Variants in ZEB1 observed in about 807,000 individuals in gnomAD.
ZEB1 encodes zinc finger E-box binding homeobox 1.
Under a neutral mutation model 84.9 loss-of-function variants are expected in ZEB1, and 21 were observed. The observed-to-expected ratio is 0.25, with a 90% confidence interval of 0.18 to 0.36. The LOEUF is 0.36. Ranked by LOEUF, ZEB1 falls within the 10% of genes least tolerant of loss-of-function variation. ZEB1 has a pLI of 1.00. For synonymous variants in ZEB1, 420 were observed against 471.1 expected, an observed-to-expected ratio of 0.89 and a Z score of 1.41; for missense variants, 1,104 against 1,330.2, an observed-to-expected ratio of 0.83 and a Z score of 2.65.
intron 1 of ZEB1, chr10:31,387,093 T>A (rs1358116145): frequency 1.0e-6 from 1 of 985,636 alleles, no homozygotes; most frequent in Non-Finnish European, 1.2e-6. Flanking sequence ...TTGATCCCAG[T>A]ATAATCTTTT....
intron 1 of ZEB1, among the ~76,000 whole-genome samples, chr10:31,443,373 T>C (rs937229798): frequency 6.6e-6 from 1 of 152,080 alleles, no homozygotes; most frequent in Non-Finnish European, 1.5e-5. Flanking sequence ...AATGGCCTTC[T>C]TATTCCAGGT....
chr10:31,363,930 A>G (rs1434950670), intron 1 of ZEB1: 1 of 1,309,340 alleles, frequency 7.6e-7, no homozygotes, highest in African/African-American at 1.5e-5. Context: ...CAGGTGCAGG[A>G]GCTGCAGGGT....
chr10:31,470,480 G>A (rs1397319362), intron 2 of ZEB1, among the ~76,000 whole-genome samples: 1 of 150,832 alleles, frequency 6.6e-6, no homozygotes, highest in Non-Finnish European at 1.5e-5. Flanking sequence ...AAGATGAAAT[G>A]AATGAAATGA....
At chr10:31,412,682 T>G (rs985596087) in intron 1 of ZEB1, among the ~76,000 whole-genome samples, 1 of 152,216 alleles carries the variant, frequency 6.6e-6, no homozygotes, top group African/African-American at 2.4e-5. Context: ...GCACACCTCT[T>G]TAAGACTGCT....
chr10:31,520,690 G>A lies in ZEB1; in HGVS notation c.1358G>A (p.Gly453Asp), dbSNP rs1206386071. ...ETINASPIQQ[G>D]GHSVISAISL... ...ATCAATGCTTCACCCATACAACAAGGTGGCCATTCTGTTATTTCAGCCATC... is the reference window on the plus strand; with the variant it reads ...ATCAATGCTTCACCCATACAACAAGATGGCCATTCTGTTATTTCAGCCATC... The change falls in exon 7 of 9, where the codon GGT becomes GAT. Residue 453 changes from glycine to aspartate, a missense_variant. Gly to Asp is a moderately conservative substitution (Grantham distance 94). Around this residue, in one of 7 missense-constraint regions of ZEB1, gnomAD observed 531 missense variants for 575.2 expected, o/e 0.92. Coordinates refer to ENST00000424869, the MANE Select transcript of ZEB1 (RefSeq NM_001174096.2). The surrounding 1 kb of genome is among the most constrained non-coding windows in gnomAD (Gnocchi z 5.1). 6.2e-7 allele frequency: 1 copy of A among 1,613,906 alleles called. No individual in the cohort carries two copies. The highest frequency in any genetic ancestry group is 8.5e-7 in the Non-Finnish European group (1 of 1,180,002).
At position 31,520,539 on chromosome 10, in the gene ZEB1, G is replaced by A; in HGVS notation, c.1207G>A (p.Val403Met). 1 of 1,613,776 alleles carries A rather than the reference G, an allele frequency of 6.2e-7. No homozygotes were observed. Among genetic ancestry groups the A allele is most frequent in the Non-Finnish European group, 8.5e-7 (1 of 1,179,746 alleles). ...TGTTGTTCTGCCAACAGTTGGTTTGGTGTCTCCCATAAGTATCAATTTAAG... is the reference window on the plus strand; with the variant it reads ...TGTTGTTCTGCCAACAGTTGGTTTGATGTCTCCCATAAGTATCAATTTAAG... ...QAVVLPTVGLVSPISINLSDI... is the reference protein window; with the variant it reads ...QAVVLPTVGLMSPISINLSDI... Residue 403 changes from valine (V) to methionine (M), a missense_variant, in exon 7 of 9, where the codon GTG becomes ATG. Transcript: ENST00000424869. This position sits in a 1 kb window ranked among gnomAD's most constrained non-coding sequence, Gnocchi z 5.1.
At chr10:31,512,105 G>A (rs1463808393) in intron 5 of ZEB1, among the ~76,000 whole-genome samples, 3 of 152,086 alleles carry the variant, frequency 2.0e-5, no homozygotes, top group East Asian at 3.9e-4. Context: ...TTATCAGAGA[G>A]ACCAGCAGAA....
At chr10:31,486,955 G>A (rs1265835768) in intron 2 of ZEB1, among the ~76,000 whole-genome samples, 2 of 151,410 alleles carry the variant, frequency 1.3e-5, no homozygotes, top group Admixed American at 6.6e-5. Context: ...GTTAGATTGA[G>A]GTGAAGTTTC....
chr10:31,382,013 A>AG (rs1390663912), intron 1 of ZEB1, among the ~76,000 whole-genome samples: 4 of 114,512 alleles, frequency 3.5e-5, no homozygotes, highest in African/African-American at 1.6e-4. Flanking sequence ...TCTCAAAAAA[A>AG]AAAAAAAAAA....
chr10:31,433,854 A>G (rs2058004990), intron 1 of ZEB1, among the ~76,000 whole-genome samples: 2 of 152,202 alleles, frequency 1.3e-5, no homozygotes, highest in South Asian at 4.1e-4. Flanking sequence ...TCTTTGTATC[A>G]TCAGTGCAAA....
intron 1 of ZEB1, among the ~76,000 whole-genome samples, chr10:31,403,735 A>G (rs914170569): frequency 6.6e-6 from 1 of 152,024 alleles, no homozygotes; most frequent in Non-Finnish European, 1.5e-5. Context: ...TATATTATGT[A>G]TATTATATAT....
intron 1 of ZEB1, among the ~76,000 whole-genome samples, chr10:31,346,087 T>A (rs1028211104): frequency 2.0e-5 from 3 of 152,166 alleles, no homozygotes; most frequent in Admixed American, 6.6e-5. Flanking sequence ...TCCAGTTGTT[T>A]GGAAGTATGA....
intron 1 of ZEB1, among the ~76,000 whole-genome samples, chr10:31,449,504 G>C (rs888450223): frequency 6.6e-6 from 1 of 151,998 alleles, no homozygotes; most frequent in Non-Finnish European, 1.5e-5. Flanking sequence ...CTTTGATTTC[G>C]TGTGGGTTTC....
chr10:31,435,848 G>T (rs1263568196), intron 1 of ZEB1, among the ~76,000 whole-genome samples: 1 of 152,162 alleles, frequency 6.6e-6, no homozygotes, highest in Non-Finnish European at 1.5e-5. Context: ...CTGCTGTGTG[G>T]TAAATGGAAA....
At chr10:31,439,784 T>G (rs1199147523) in intron 1 of ZEB1, among the ~76,000 whole-genome samples, 1 of 152,070 alleles carries the variant, frequency 6.6e-6, no homozygotes, top group Admixed American at 6.6e-5. Flanking sequence ...AAGAGGCCAG[T>G]ATACCTGGAA....
intron 1 of ZEB1, among the ~76,000 whole-genome samples, chr10:31,361,875 C>T (rs891347650): frequency 5.6e-5 from 8 of 143,158 alleles, no homozygotes; most frequent in African/African-American, 1.9e-4. Context: ...GCTTCGCAGA[C>T]GGGACGGCGG....
intron 1 of ZEB1, among the ~76,000 whole-genome samples, chr10:31,414,906 G>A (rs925682288): frequency 6.6e-6 from 1 of 152,120 alleles, no homozygotes; most frequent in Non-Finnish European, 1.5e-5. Flanking sequence ...TAAAAGCATT[G>A]TTCATACTTT....
In ZEB1 at chr10:31,486,162, C is replaced by T. The variant is rs751394694; in HGVS notation, c.260-9614C>T. Among the ~76,000 whole-genome samples, 9 of 151,814 alleles carry T rather than the reference C, an allele frequency of 5.9e-5. No individual in the cohort carries two copies. The East Asian group carries it at 9.7e-4, about 16-fold the overall frequency. On this transcript the variant is annotated intron_variant, in intron 2 of 8. Coordinates refer to ENST00000424869, the MANE Select transcript of ZEB1 (RefSeq NM_001174096.2). ...GGACATTTGGGTTGTTTCCAATTTA[C>T]GGAGATTATGAGTAAAGTTGCTGTA...
chr10:31,451,498 T>G (rs1353882735), intron 1 of ZEB1, among the ~76,000 whole-genome samples: 1 of 152,228 alleles, frequency 6.6e-6, no homozygotes, highest in Non-Finnish European at 1.5e-5. Flanking sequence ...ATACTACCTA[T>G]CTTCCATAAG....
Sources: allele counts gnomAD v4.1 joint callset (sites outside exome capture counted in the v4.1 genomes callset), GRCh38; gene constraint gnomAD v4.1.1; regional missense constraint gnomAD v4.1.1; non-coding constraint Gnocchi (gnomAD v3.1); transcripts MANE v1.5; gene names NCBI Gene and HGNC (gene_info 2026-07-23, HGNC 2026-07-21).